Variants in SPMIP3 observed in about 807,000 individuals in gnomAD.
SPMIP3 encodes sperm microtubule inner protein 3, also known as protein SPMIP3.
the SPMIP3 span, among the ~76,000 whole-genome samples, chr1:244,372,665 G>T: frequency 1.3e-5 from 2 of 152,064 alleles, no homozygotes; most frequent in Non-Finnish European, 2.9e-5. Context: ...GGATGGTCTC[G>T]AACTCCTGAC....
chr1:244,373,898 G>A, the SPMIP3 span, among the ~76,000 whole-genome samples: 1 of 152,054 alleles, frequency 6.6e-6, no homozygotes, highest in South Asian at 2.1e-4. Flanking sequence ...CGGATCACTT[G>A]AGGCCAGGAG....
the SPMIP3 span, among the ~76,000 whole-genome samples, chr1:244,367,190 G>C: frequency 3.8e-3 from 583 of 152,284 alleles, 4 homozygotes; most frequent in African/African-American, 0.013. Context: ...GGTTGGGACG[G>C]TAGAGGCAGG....
the SPMIP3 span, among the ~76,000 whole-genome samples, chr1:244,378,929 T>TTA: frequency 8.4e-6 from 1 of 118,364 alleles, no homozygotes; most frequent in Admixed American, 8.3e-5. Context: ...TTTTATTTAT[T>TTA]TTTATTTTTA....
chr1:244,368,421 T>A, the SPMIP3 span, among the ~76,000 whole-genome samples: 1 of 152,224 alleles, frequency 6.6e-6, no homozygotes, highest in Non-Finnish European at 1.5e-5. Context: ...AGGCACGGTG[T>A]GGTTAAATGA....
the SPMIP3 span, among the ~76,000 whole-genome samples, chr1:244,360,551 CACACACATGCATGCAT>C: frequency 3.7e-3 from 185 of 50,612 alleles, 10 homozygotes; most frequent in South Asian, 0.13. Flanking sequence ...CACACACACA[CACACACATGCATGCAT>C]GGAATATTAT....
the SPMIP3 span, among the ~76,000 whole-genome samples, chr1:244,370,530 C>T: frequency 6.6e-6 from 1 of 152,200 alleles, no homozygotes; most frequent in African/African-American, 2.4e-5. Flanking sequence ...ACAACATTGT[C>T]ATCACTGTAT....
chr1:244,366,788 G>A, the SPMIP3 span, among the ~76,000 whole-genome samples: 1 of 152,176 alleles, frequency 6.6e-6, no homozygotes, highest in East Asian at 1.9e-4. Flanking sequence ...GCTGAGGCAG[G>A]AGAATCGCTT....
At chr1:244,389,066 A>G in the SPMIP3 span, 1 of 1,608,758 alleles carries the variant, frequency 6.2e-7, no homozygotes, top group Non-Finnish European at 8.5e-7. Context: ...TTAAACTAAA[A>G]TAACCACGGC....
At chr1:244,361,124 G>C in the SPMIP3 span, among the ~76,000 whole-genome samples, 6 of 152,006 alleles carry the variant, frequency 3.9e-5, no homozygotes, top group African/African-American at 1.2e-4. Flanking sequence ...AATAAACGGT[G>C]GATGGTTAAT....
At chr1:244,361,924 T>TTTCGGAG in the SPMIP3 span, among the ~76,000 whole-genome samples, 1 of 152,194 alleles carries the variant, frequency 6.6e-6, no homozygotes, top group Non-Finnish European at 1.5e-5. Context: ...GTCACGAAGC[T>TTTCGGAG]TTCGGAGTTC....
the SPMIP3 span, among the ~76,000 whole-genome samples, chr1:244,354,972 C>T: frequency 3.9e-5 from 6 of 152,208 alleles, no homozygotes; most frequent in African/African-American, 1.4e-4. Context: ...ATTATCTCCT[C>T]TACCAGACTG....
chr1:244,386,317 T>C, the SPMIP3 span, among the ~76,000 whole-genome samples: 1 of 152,240 alleles, frequency 6.6e-6, no homozygotes, highest in Non-Finnish European at 1.5e-5. Context: ...TTTCCAACAA[T>C]GACTTTCAAA....
the SPMIP3 span, among the ~76,000 whole-genome samples, chr1:244,369,692 G>T: frequency 1.7e-4 from 26 of 152,188 alleles, no homozygotes; most frequent in Non-Finnish European, 3.7e-4. Flanking sequence ...GTTGGACCAG[G>T]TGTGCCATTT....
the SPMIP3 span, among the ~76,000 whole-genome samples, chr1:244,385,399 G>A: frequency 1.3e-5 from 2 of 152,250 alleles, no homozygotes; most frequent in East Asian, 3.9e-4. Flanking sequence ...TTTGGGCACT[G>A]ACTATGTGCA....
chr1:244,378,394 G>C, the SPMIP3 span: 1 of 1,452,314 alleles, frequency 6.9e-7, no homozygotes, highest in Non-Finnish European at 9.4e-7. Flanking sequence ...CCAGGGAATG[G>C]ATTCCAGCTG....
At chr1:244,378,276 G>A in the SPMIP3 span, among the ~76,000 whole-genome samples, 2 of 152,152 alleles carry the variant, frequency 1.3e-5, no homozygotes, top group Non-Finnish European at 1.5e-5. Context: ...ATGCTAAAGG[G>A]AAGAACAGGG....
the SPMIP3 span, among the ~76,000 whole-genome samples, chr1:244,360,257 A>C: frequency 6.6e-6 from 1 of 152,168 alleles, no homozygotes; most frequent in Non-Finnish European, 1.5e-5. Context: ...GAACCTTCAT[A>C]CGCTGTTGGT....
At chr1:244,363,075 A>G in the SPMIP3 span, among the ~76,000 whole-genome samples, 1 of 149,422 alleles carries the variant, frequency 6.7e-6, no homozygotes, top group East Asian at 2.0e-4. Context: ...ATTTAAATGT[A>G]GTAGTTTGCT....
chr1:244,374,771 T>G, the SPMIP3 span, among the ~76,000 whole-genome samples: 1 of 151,540 alleles, frequency 6.6e-6, no homozygotes, highest in Admixed American at 6.6e-5. Flanking sequence ...TTTTTTTTTG[T>G]ATTTTTAGTA....
Sources: allele counts gnomAD v4.1 joint callset (sites outside exome capture counted in the v4.1 genomes callset), GRCh38; gene constraint gnomAD v4.1.1; transcripts MANE v1.5; gene names NCBI Gene and HGNC (gene_info 2026-07-23, HGNC 2026-07-21).